ODAD2: variants seen among roughly 807,000 people sequenced by gnomAD.
ODAD2 encodes the protein outer dynein arm docking complex subunit 2.
Under a neutral mutation model 106.8 loss-of-function variants are expected in ODAD2, and 89 were observed. The ratio of observed to expected loss-of-function variants is 0.83; its 90% confidence interval spans 0.70 to 0.99. The LOEUF is 0.99. Among genes scored for constraint, ODAD2 ranks in the 50% least tolerant of loss-of-function variants. The pLI, the probability that ODAD2 is intolerant of heterozygous loss-of-function variation, is 0.00. For synonymous variants in ODAD2, 404 were observed against 436.2 expected (o/e 0.93, Z 0.92); for missense variants, 1,168 against 1,238.5 (o/e 0.94, Z 0.85).
chr10:27,915,933 A>C (rs114430936), intron 16 of ODAD2, among the ~76,000 whole-genome samples: 1 of 152,296 alleles, frequency 6.6e-6, no homozygotes, highest in African/African-American at 2.4e-5. Flanking sequence ...AGGTGAGCCA[A>C]CAAGGTTGTT....
intron 7 of ODAD2, among the ~76,000 whole-genome samples, chr10:27,974,082 T>G (rs914256514): frequency 2.0e-5 from 3 of 152,254 alleles, no homozygotes; most frequent in Non-Finnish European, 4.4e-5. Context: ...TATGTCTTCT[T>G]TTGAAAAGTA....
chr10:27,923,975 A>AAAG (rs1280140349), intron 16 of ODAD2, among the ~76,000 whole-genome samples: 4 of 133,708 alleles, frequency 3.0e-5, no homozygotes, highest in Non-Finnish European at 1.6e-5. Context: ...AGAAAGAAAG[A>AAAG]AAGAAAGAAA....
intron 17 of ODAD2, among the ~76,000 whole-genome samples, chr10:27,868,017 T>TA (rs1161294061): frequency 1.3e-5 from 2 of 149,150 alleles, no homozygotes; most frequent in Non-Finnish European, 3.0e-5. Flanking sequence ...TTATAAGAAA[T>TA]AAAAAACATG....
At chr10:27,855,894 T>C (rs1277164926) in intron 19 of ODAD2, among the ~76,000 whole-genome samples, 1 of 152,216 alleles carries the variant, frequency 6.6e-6, no homozygotes, top group African/African-American at 2.4e-5. Flanking sequence ...TAGCTTTCAC[T>C]TGCCTGGTAT....
At chr10:27,946,395 A>T (rs1846929570) in intron 10 of ODAD2, among the ~76,000 whole-genome samples, 2 of 151,766 alleles carry the variant, frequency 1.3e-5, no homozygotes, top group South Asian at 4.1e-4. Context: ...AATTTTTAAA[A>T]ATTTATATAT....
rs557907793 is a variant in ODAD2 at position 27,910,446 on chromosome 10, A to G, written c.2496-2669T>C. On this transcript the variant is annotated intron_variant, in intron 16 of 19. Coordinates refer to ENST00000305242, the MANE Select transcript of ODAD2 (RefSeq NM_018076.5). ...GGCTATCTACTAAACACTAAGTACT[A>G]GGCATACAGAAATAACAGATACACT... Among the ~76,000 whole-genome samples, 9 of 152,218 alleles carry G rather than the reference A, an allele frequency of 5.9e-5. No individual in the cohort carries two copies. In the South Asian group the frequency reaches 1.9e-3, roughly 32 times the overall value.
chr10:27,905,281 A>T (rs1843507664), intron 17 of ODAD2: 1 of 152,354 alleles, frequency 6.6e-6, no homozygotes, highest in East Asian at 1.9e-4. Context: ...TGTGGGTGAA[A>T]AAAAATACCT....
chr10:27,858,547 T>C (rs879257844), intron 19 of ODAD2, among the ~76,000 whole-genome samples: 3 of 152,144 alleles, frequency 2.0e-5, no homozygotes, highest in Non-Finnish European at 4.4e-5. Flanking sequence ...CAATTTTCCT[T>C]CTTTGCTTTT....
In ODAD2 at chr10:27,982,389, T is replaced by C. The variant is rs548494496; in HGVS notation, c.820-807A>G. 4.6e-5 allele frequency among the ~76,000 whole-genome samples: 7 copies of C among 152,306 alleles called. No homozygotes were observed. The South Asian group carries it at 8.3e-4, about 18-fold the overall frequency. ...CTCCATGCTAAATAAGTTATATGTA[T>C]GTAGATCAATAATAACCTTTGATAG... On this transcript the variant is annotated intron_variant, in intron 6 of 19. Transcript: ENST00000305242.
intron 19 of ODAD2, among the ~76,000 whole-genome samples, chr10:27,835,249 A>G (rs1226700187): frequency 6.6e-6 from 1 of 152,166 alleles, no homozygotes. Context: ...AATTCTGTCT[A>G]TAGTGGAAAA....
chr10:27,979,708 C>T (rs1849425191), intron 7 of ODAD2, among the ~76,000 whole-genome samples: 1 of 151,974 alleles, frequency 6.6e-6, no homozygotes, highest in Non-Finnish European at 1.5e-5. Flanking sequence ...TTGCTGAAAG[C>T]CATTAAATAT....
chr10:27,989,299 C>A (rs1850076623), intron 2 of ODAD2, among the ~76,000 whole-genome samples: 1 of 152,118 alleles, frequency 6.6e-6, no homozygotes, highest in African/African-American at 2.4e-5. Context: ...CCCCTATCAC[C>A]AGCACTTCAG....
chr10:27,849,541 A>T (rs1839081863), intron 19 of ODAD2, among the ~76,000 whole-genome samples: 1 of 152,140 alleles, frequency 6.6e-6, no homozygotes, highest in South Asian at 2.1e-4. Context: ...CCTAGAACTT[A>T]AAATATAATA....
At chr10:27,833,063 C>T (rs371987229) in intron 19 of ODAD2, among the ~76,000 whole-genome samples, 10 of 152,164 alleles carry the variant, frequency 6.6e-5, no homozygotes, top group African/African-American at 2.4e-4. Flanking sequence ...CTTGCCTGGC[C>T]GTGCTTTTTG....
intron 16 of ODAD2, among the ~76,000 whole-genome samples, chr10:27,934,388 T>G (rs1236212485): frequency 1.3e-5 from 2 of 150,628 alleles, no homozygotes; most frequent in South Asian, 4.2e-4. Context: ...TTATAAAATA[T>G]AAAGATATAT....
chr10:27,944,111 G>T (rs1012148596), intron 12 of ODAD2, 111 bp downstream of exon 12: 2 of 901,288 alleles, frequency 2.2e-6, no homozygotes, highest in Non-Finnish European at 3.4e-6. Context: ...AAGGCTCCTG[G>T]AACACGCTCT....
intron 9 of ODAD2, among the ~76,000 whole-genome samples, chr10:27,963,260 G>A (rs1001886420): frequency 6.6e-5 from 10 of 152,026 alleles, no homozygotes; most frequent in Admixed American, 2.0e-4. Flanking sequence ...TCCCGTCTCG[G>A]CCTCCCAAAG....
chr10:27,939,686 T>C (rs550310643), intron 14 of ODAD2, among the ~76,000 whole-genome samples: 5 of 152,168 alleles, frequency 3.3e-5, no homozygotes, highest in African/African-American at 4.8e-5. Context: ...GACAGTGAGC[T>C]ATGATTGTGC....
intron 1 of ODAD2, chr10:27,995,693 TTCTGGTAGC>T (rs1358420429): frequency 6.5e-6 from 1 of 152,732 alleles, no homozygotes; most frequent in Admixed American, 6.5e-5. Context: ...AAGAACATGA[TTCTGGTAGC>T]TCTGGTTTCC....
Sources: allele counts gnomAD v4.1 joint callset (sites outside exome capture counted in the v4.1 genomes callset), GRCh38; gene constraint gnomAD v4.1.1; transcripts MANE v1.5; gene names NCBI Gene and HGNC (gene_info 2026-07-23, HGNC 2026-07-21).